Variants in ARHGEF12 observed in about 807,000 individuals in gnomAD.
The protein encoded by ARHGEF12 is Rho guanine nucleotide exchange factor 12, also known as KMT2A/ARHGEF12 fusion protein.
In ARHGEF12, 66 loss-of-function variants were observed where a neutral mutation model predicts 211.2. The observed-to-expected ratio is 0.31, with a 90% confidence interval of 0.26 to 0.38. ARHGEF12 has a LOEUF of 0.38. Among genes scored for constraint, ARHGEF12 ranks in the 10% least tolerant of loss-of-function variants. The pLI, the probability that ARHGEF12 is intolerant of heterozygous loss-of-function variation, is 1.00. For missense variants in ARHGEF12, 1,429 were observed against 1,869.5 expected (o/e 0.76, Z 4.34); for synonymous variants, 592 against 638.4 (o/e 0.93, Z 1.09).
At chr11:120,421,144 G>A (rs1225402335) in intron 5 of ARHGEF12, among the ~76,000 whole-genome samples, 2 of 152,080 alleles carry the variant, frequency 1.3e-5, no homozygotes, top group Non-Finnish European at 2.9e-5. Flanking sequence ...GTTTTCCATG[G>A]CACCACTGAT....
At chr11:120,444,104 C>A (rs1945969894) in intron 15 of ARHGEF12, among the ~76,000 whole-genome samples, 1 of 152,050 alleles carries the variant, frequency 6.6e-6, no homozygotes, top group Non-Finnish European at 1.5e-5. Context: ...CTGCTGTGTC[C>A]CTAACACTGA....
At chr11:120,386,611 A>G (rs532868390) in intron 1 of ARHGEF12, among the ~76,000 whole-genome samples, 1 of 152,264 alleles carries the variant, frequency 6.6e-6, no homozygotes, top group South Asian at 2.1e-4. Context: ...TTTATAGTCT[A>G]GTAAAGGATA....
intron 1 of ARHGEF12, among the ~76,000 whole-genome samples, chr11:120,387,062 A>G (rs989271938): frequency 1.3e-5 from 2 of 152,098 alleles, no homozygotes; most frequent in Non-Finnish European, 2.9e-5. Flanking sequence ...TGAGCAAATC[A>G]TTTAACATCG....
At chr11:120,468,441 T>G (rs558914749) in intron 29 of ARHGEF12, among the ~76,000 whole-genome samples, 1 of 152,222 alleles carries the variant, frequency 6.6e-6, no homozygotes, top group South Asian at 2.1e-4. Flanking sequence ...TTTGTCTTGT[T>G]TTGTTTTGTT....
rs1947371698 is a variant in ARHGEF12, at chr11:120,485,387, A to C, written c.*310A>C. 1 of 298,880 alleles carries C rather than the reference A, an allele frequency of 3.3e-6. No homozygotes were observed. Among genetic ancestry groups the C allele is most frequent in the Non-Finnish European group, 6.2e-6 (1 of 160,466 alleles). 18.5% of individuals were successfully genotyped at this position (298,880 alleles called of 1,614,324 possible). A position where few individuals can be genotyped will look rare whatever the true frequency, so the allele number is the denominator to read the frequency against. On this transcript the variant is annotated 3_prime_UTR_variant, in exon 41 of 41. Transcript: ENST00000397843. ...GGGTGTAGGATATGAAATTGTACTT[A>C]GATTTAAGAAAAAGAGAAAATCAGA...
chr11:120,436,944 A>T (rs1187164743), intron 11 of ARHGEF12, among the ~76,000 whole-genome samples: 1 of 151,894 alleles, frequency 6.6e-6, no homozygotes, highest in Non-Finnish European at 1.5e-5. Flanking sequence ...TTTAGCTTGG[A>T]TAGAAAGGAT....
intron 1 of ARHGEF12, among the ~76,000 whole-genome samples, chr11:120,367,224 T>C (rs1943448547): frequency 6.6e-6 from 1 of 152,080 alleles, no homozygotes; most frequent in South Asian, 2.1e-4. Context: ...GTGAATAGTT[T>C]TGAAATTTTT....
chr11:120,482,227 A>G (rs751612907), intron 39 of ARHGEF12, among the ~76,000 whole-genome samples: 1 of 152,200 alleles, frequency 6.6e-6, no homozygotes, highest in African/African-American at 2.4e-5. Context: ...TGTAGTTATG[A>G]ATCTAGGCTG....
At chr11:120,425,778 G>A (rs201974834) in intron 7 of ARHGEF12, among the ~76,000 whole-genome samples, 1 of 141,278 alleles carries the variant, frequency 7.1e-6, no homozygotes. Flanking sequence ...AAAAAAAAAA[G>A]AGAGAGACTG....
chr11:120,449,030 C>G, intron 20 of ARHGEF12, 79 bp from the exon 21 acceptor site: 1 of 1,163,228 alleles, frequency 8.6e-7, no homozygotes. Context: ...TTTGAACTAA[C>G]CATTAGCATT....
chr11:120,458,962 T>C, intron 25 of ARHGEF12: 1 of 347,146 alleles, frequency 2.9e-6, no homozygotes, highest in Non-Finnish European at 5.0e-6. Context: ...TAGTTTTGAA[T>C]GATATTTTTT....
intron 26 of ARHGEF12, 119 bp from the exon 27 acceptor site, chr11:120,460,553 G>A: frequency 1.6e-6 from 1 of 637,046 alleles, no homozygotes; most frequent in Non-Finnish European, 2.7e-6. Context: ...GAGATAAGAA[G>A]CAGCTGTACT....
rs577524599 is a variant in ARHGEF12 at position 120,447,152 on chromosome 11, T to C, written c.1589+67T>C. 6.1e-5 allele frequency: 92 copies of C among 1,509,722 alleles called. No individual in the cohort carries two copies. The East Asian group carries it at 2.1e-3, about 35-fold the overall frequency. The allele number at this position is 1,509,722 out of a possible 1,614,324, so 93.5% of individuals were successfully genotyped here. On this transcript the variant is annotated intron_variant, in intron 18 of 40. Transcript: ENST00000397843. The stretch of plus-strand genomic sequence containing the variant: ...GATACTAGTTATGCTTGAAGTGTCC[T>C]TTGGGTAGGTTTAGAAAAACTGTCA...
At chr11:120,476,816 A>T (rs779611085) in intron 34 of ARHGEF12, 68 bp downstream of exon 34, 1 of 1,284,186 alleles carries the variant, frequency 7.8e-7, no homozygotes, top group Admixed American at 2.2e-5. Flanking sequence ...ATATTCCATA[A>T]ACTTAACTTT....
chr11:120,394,443 G>A (rs1184305707), intron 1 of ARHGEF12, among the ~76,000 whole-genome samples: 3 of 151,364 alleles, frequency 2.0e-5, no homozygotes, highest in Admixed American at 6.6e-5. Flanking sequence ...CAATCCTCCT[G>A]CCTCGGCCTC....
At chr11:120,338,719 T>G (rs1483068602) in intron 1 of ARHGEF12, among the ~76,000 whole-genome samples, 1 of 152,198 alleles carries the variant, frequency 6.6e-6, no homozygotes, top group Non-Finnish European at 1.5e-5. Flanking sequence ...TCGCTCTTTC[T>G]GTTGAGCCTG....
At chr11:120,447,145 A>G in intron 18 of ARHGEF12, 60 bp downstream of exon 18, 7 of 1,568,658 alleles carry the variant, frequency 4.5e-6, no homozygotes, top group Non-Finnish European at 6.1e-6. Context: ...TTATGCTTGA[A>G]GTGTCCTTTG....
At position 120,472,581 on chromosome 11, in the gene ARHGEF12, G is replaced by A. The variant is rs539537732; in HGVS notation, c.2956-469G>A. Among the ~76,000 whole-genome samples the A allele has an allele frequency of 7.9e-5, 12 of 152,206 alleles. No individual in the cohort carries two copies. In the East Asian group the frequency reaches 1.9e-3, roughly 24 times the overall value. ...AAGAGGCAGGAGGAAAACTAGGAGA[G>A]TATATTATCACCAAAGCCACGGGAA... is the stretch of plus-strand genomic sequence containing the variant. On this transcript the variant is annotated intron_variant, in intron 30 of 40. Transcript: ENST00000397843.
intron 36 of ARHGEF12, 43 bp downstream of exon 36, chr11:120,477,569 T>C (rs995149453): frequency 1.3e-6 from 2 of 1,561,646 alleles, no homozygotes; most frequent in Non-Finnish European, 1.8e-6. Context: ...TGCTCTATTA[T>C]CTGTTAAAAT....
Sources: gnomAD v4.1 joint callset for allele counts (sites outside exome capture counted in the v4.1 genomes callset) on GRCh38, gnomAD v4.1.1 for gene constraint, MANE v1.5 for transcripts, NCBI Gene and HGNC (gene_info 2026-07-23, HGNC 2026-07-21) for gene names.